Variants in CBLB observed in about 807,000 individuals in gnomAD.
CBLB encodes E3 ubiquitin-protein ligase CBL-B.
A neutral mutation model predicts 104.9 loss-of-function variants in CBLB; 31 were observed. The ratio of observed to expected loss-of-function variants is 0.30; its 90% CI spans 0.22 to 0.40. CBLB has a LOEUF of 0.40. CBLB is among the 10% of genes least tolerant of loss of function. CBLB has a pLI of 1.00. For synonymous variants in CBLB, 440 were observed against 422.6 expected (o/e 1.04, Z -0.51); for missense variants, 1,062 against 1,214.6 (o/e 0.87, Z 1.87).
chr3:105,868,160 C>T, intron 1 of CBLB: 1 of 1,207,836 alleles, frequency 8.3e-7, no homozygotes, highest in Non-Finnish European at 1.0e-6. Flanking sequence ...AGTACGGACA[C>T]ACGAACACCT....
At position 105,709,622 on chromosome 3, in the gene CBLB, T is replaced by C. The variant is rs372843141; in HGVS notation, c.1408-5449A>G. Among the ~76,000 whole-genome samples, 214 of 152,080 alleles carry C rather than the reference T, an allele frequency of 1.4e-3. 2 individuals are homozygous for C. Among genetic ancestry groups the C allele is most frequent in the South Asian group, 6.0e-3 (29 of 4,832 alleles). The stretch of plus-strand genomic sequence containing the variant: ...TGAATATAATTTTAAAGTATGCATA[T>C]ATGGATTTACAAAACCATTCCTGTG... On this transcript the variant is annotated intron_variant, in intron 10 of 18. Coordinates refer to ENST00000394030, the MANE Select transcript of CBLB (RefSeq NM_170662.5).
chr3:105,732,996 C>A (rs936132991), intron 9 of CBLB, among the ~76,000 whole-genome samples: 3 of 152,134 alleles, frequency 2.0e-5, no homozygotes, highest in Admixed American at 6.5e-5. Flanking sequence ...TTCCATGACT[C>A]CTCCAAATAC....
Position 105,808,945 on chromosome 3 carries a change from T to G in CBLB, c.420-32403A>C, listed in dbSNP as rs561666075. On this transcript the variant is annotated intron_variant, in intron 3 of 18. Coordinates refer to ENST00000394030, the MANE Select transcript of CBLB (RefSeq NM_170662.5). ...ATTTAACTTAATTGTAGCTTTTAGA[T>G]TGTAAGATCAGAATCACTGTCAGCT... is the stretch of plus-strand genomic sequence containing the variant. Among the ~76,000 whole-genome samples the G allele has an allele frequency of 1.8e-4, 27 of 152,300 alleles. No individual in the cohort carries two copies. The East Asian group carries it at 5.2e-3, about 30-fold the overall frequency.
At chr3:105,816,646 T>C (rs572692597) in intron 3 of CBLB, among the ~76,000 whole-genome samples, 1 of 152,248 alleles carries the variant, frequency 6.6e-6, no homozygotes, top group Non-Finnish European at 1.5e-5. Flanking sequence ...AAGTAAGTTC[T>C]ACTTTACATG....
At chr3:105,868,639 G>T in intron 1 of CBLB, 97 bp downstream of exon 1, 1 of 801,986 alleles carries the variant, frequency 1.2e-6, no homozygotes, top group Non-Finnish European at 1.5e-6. Flanking sequence ...GAGAGCCAGG[G>T]CTGTCCCCTC....
rs1374900798 is a variant in CBLB, at chr3:105,677,236, T to C, written c.2569+1195A>G. On this transcript the variant is annotated intron_variant, in intron 17 of 18. Transcript: ENST00000394030. Reference sequence around the variant, plus strand: ...ATTTACTGATGTAAAAGCAGAAGATTATTCTTGAAAAATAAACCACTTTAA... The same window carrying C: ...ATTTACTGATGTAAAAGCAGAAGATCATTCTTGAAAAATAAACCACTTTAA... Among the ~76,000 whole-genome samples the C allele has an allele frequency of 3.3e-5, 5 of 152,178 alleles. No individual in the cohort carries two copies. In the South Asian group the frequency reaches 1.0e-3, roughly 31 times the overall value.
Position 105,833,696 on chromosome 3 carries a change from G to A in CBLB, c.419+19718C>T, listed in dbSNP as rs574234520. ...AATTTGAATAATTTTATTATTAATG[G>A]AAATTTCTAAAATTAAATATACTTT... On this transcript the variant is annotated intron_variant, in intron 3 of 18. Coordinates refer to ENST00000394030, the MANE Select transcript of CBLB (RefSeq NM_170662.5). 2.0e-5 allele frequency among the ~76,000 whole-genome samples: 3 copies of A among 151,734 alleles called. No homozygotes were observed. In the South Asian group the frequency reaches 6.2e-4, roughly 32 times the overall value.
chr3:105,656,112 A>G lies in CBLB; in HGVS notation c.*2858T>C, dbSNP rs1262185631. ...CAATTCTAGAAAAATTTGGTGAGAT[A>G]TATCATACATTAGGGGATAAAACAG... On this transcript the variant is annotated 3_prime_UTR_variant, in exon 19 of 19. Coordinates refer to ENST00000394030, the MANE Select transcript of CBLB (RefSeq NM_170662.5). 1.8e-5 allele frequency: 4 copies of G among 221,904 alleles called. No individual in the cohort carries two copies. The highest frequency in any genetic ancestry group is 8.9e-5 in the African/African-American group (4 of 44,844). The allele number at this position is 221,904 out of a possible 1,614,324, so 13.7% of individuals were successfully genotyped here. A position where few individuals can be genotyped will look rare whatever the true frequency, so the allele number is the denominator to read the frequency against.
At chr3:105,716,853 C>T (rs1030235482) in intron 10 of CBLB, among the ~76,000 whole-genome samples, 3 of 152,110 alleles carry the variant, frequency 2.0e-5, no homozygotes, top group African/African-American at 7.2e-5. Flanking sequence ...GATCATCATT[C>T]TACTCTTTGT....
chr3:105,682,643 A>G (rs2066456233), intron 14 of CBLB, among the ~76,000 whole-genome samples: 1 of 152,120 alleles, frequency 6.6e-6, no homozygotes. Context: ...AGTAGCTGGG[A>G]TTACAAGCGT....
rs554875788 is a variant in CBLB at position 105,771,659 on chromosome 3, C to T, written c.566+4737G>A. On this transcript the variant is annotated intron_variant, in intron 4 of 18. Coordinates refer to ENST00000394030, the MANE Select transcript of CBLB (RefSeq NM_170662.5). ...CCTCAAGATTCATCCAAAAAGCTCC[C>T]AGATCTTATAAATGAATTCAGTAAA... Among the ~76,000 whole-genome samples the T allele has an allele frequency of 5.3e-5, 8 of 152,174 alleles. No homozygotes were observed. In the South Asian group the frequency reaches 1.7e-3, roughly 32 times the overall value.
intron 16 of CBLB, chr3:105,681,254 G>C: frequency 3.4e-6 from 2 of 590,604 alleles, no homozygotes; most frequent in Non-Finnish European, 6.0e-6. Flanking sequence ...AAAACAACTT[G>C]CTTAAAACCT....
At chr3:105,699,079 T>C (rs764802424) in intron 12 of CBLB, among the ~76,000 whole-genome samples, 2 of 152,140 alleles carry the variant, frequency 1.3e-5, no homozygotes, top group Non-Finnish European at 2.9e-5. Context: ...TAGTGTTAGA[T>C]TACTAGCACC....
At chr3:105,857,132 C>G (rs116748927) in intron 2 of CBLB, among the ~76,000 whole-genome samples, 2,058 of 152,272 alleles carry the variant, frequency 0.014, 45 homozygotes, top group African/African-American at 0.047. Context: ...AACTTTTTAA[C>G]TGATACATAC....
rs1250280831 is a variant in CBLB, at chr3:105,712,408, G to A, written c.1407+7639C>T. On this transcript the variant is annotated intron_variant, in intron 10 of 18. Transcript: ENST00000394030. Reference sequence around the variant, plus strand: ...AACCAATTTTGAGAAGGCAGGGAAGGGTGACATATAATTCAGAAATATTTC... The same window carrying A: ...AACCAATTTTGAGAAGGCAGGGAAGAGTGACATATAATTCAGAAATATTTC... 2.0e-5 allele frequency among the ~76,000 whole-genome samples: 3 copies of A among 152,140 alleles called. No homozygotes were observed. In the East Asian group the frequency reaches 5.8e-4, roughly 29 times the overall value.
In CBLB at chr3:105,702,183, T is replaced by C; in HGVS notation, c.1870A>G (p.Asn624Asp). 1 of 1,614,148 alleles carries C rather than the reference T, an allele frequency of 6.2e-7. No homozygotes were observed. The highest frequency in any genetic ancestry group is 8.5e-7 in the Non-Finnish European group (1 of 1,180,016). The change falls in exon 12 of 19, where the codon AAT (asparagine) becomes GAT (aspartate). Residue 624 changes from asparagine to aspartate, a missense_variant. Asn to Asp is a conservative substitution (Grantham distance 23, BLOSUM62 1). Coordinates refer to ENST00000394030, the MANE Select transcript of CBLB (RefSeq NM_170662.5). The stretch of plus-strand genomic sequence containing the variant: ...ACTCTACTGTGCCTTCCATTGACAT[T>C]TGAACTCGCTGTGATTCCAGGTTTT... Reference protein sequence around the residue: ...SPKPGITASSNVNGRHSRVGS... With the variant: ...SPKPGITASSDVNGRHSRVGS...
rs374032812 is a variant in CBLB at position 105,799,059 on chromosome 3, C to A, written c.420-22517G>T. ...TAGTTGCTAATCCTTCAAGATCTAA[C>A]AAAGTATCTAGATGGAAAAATGAAA... On this transcript the variant is annotated intron_variant, in intron 3 of 18. Transcript: ENST00000394030. 1.0e-4 allele frequency among the ~76,000 whole-genome samples: 15 copies of A among 148,858 alleles called. No homozygotes were observed. The South Asian group carries it at 3.0e-3, about 29-fold the overall frequency.
intron 11 of CBLB, 45 bp from the exon 12 acceptor site, chr3:105,702,504 A>AAT: frequency 6.7e-7 from 1 of 1,484,204 alleles, no homozygotes; most frequent in Non-Finnish European, 9.0e-7. Flanking sequence ...AAAAAACTAA[A>AAT]GGTTGTACCA....
chr3:105,865,456 T>C (rs2092373535), intron 2 of CBLB, among the ~76,000 whole-genome samples: 1 of 152,168 alleles, frequency 6.6e-6, no homozygotes, highest in Non-Finnish European at 1.5e-5. Context: ...TAGAGACTTT[T>C]GATAATAGAT....
Sources: allele counts gnomAD v4.1 joint callset (sites outside exome capture counted in the v4.1 genomes callset), GRCh38; gene constraint gnomAD v4.1.1; transcripts MANE v1.5; gene names NCBI Gene and HGNC (gene_info 2026-07-23, HGNC 2026-07-21).